Variants in CDH13 observed in about 807,000 individuals in gnomAD.
CDH13 encodes cadherin 13, also known as cadherin-13.
In CDH13, 24 loss-of-function variants were observed where a neutral mutation model predicts 63.8. The ratio of observed to expected loss-of-function variants is 0.38; its 90% CI spans 0.27 to 0.53. The LOEUF is 0.53. Among genes scored for constraint, CDH13 ranks in the 20% least tolerant of loss-of-function variants. The pLI, the probability that CDH13 is intolerant of heterozygous loss-of-function variation, is 0.85. For missense variants in CDH13, 1,049 were observed against 903.1 expected (o/e 1.16, Z -2.07); for synonymous variants, 503 against 355.3 (o/e 1.42, Z -4.67).
intron 1 of CDH13, among the ~76,000 whole-genome samples, chr16:82,738,798 T>C (rs2033802810): frequency 6.6e-6 from 1 of 152,206 alleles, no homozygotes; most frequent in African/African-American, 2.4e-5. Context: ...ACCTTGGTGG[T>C]TCCTTTTATC....
At chr16:82,829,348 G>C (rs1903621) in intron 1 of CDH13, 129,692 of 152,096 alleles carry the variant, frequency 0.85, 55,422 homozygotes, top group East Asian at 0.95. Context: ...GAAATACACA[G>C]TTTGGGAGCC....
At chr16:83,753,898 C>G (rs1422493618) in intron 11 of CDH13, among the ~76,000 whole-genome samples, 1 of 151,224 alleles carries the variant, frequency 6.6e-6, no homozygotes, top group Non-Finnish European at 1.5e-5. Context: ...GAAGCATTGA[C>G]AACTAGATAA....
intron 3 of CDH13, among the ~76,000 whole-genome samples, chr16:83,052,836 A>G (rs1259849810): frequency 1.3e-5 from 2 of 151,972 alleles, no homozygotes; most frequent in African/African-American, 4.8e-5. Context: ...AGCAAAATAG[A>G]AAAGACAGAT....
chr16:82,723,774 A>G (rs1036440454), intron 1 of CDH13, among the ~76,000 whole-genome samples: 1 of 152,194 alleles, frequency 6.6e-6, no homozygotes, highest in African/African-American at 2.4e-5. Flanking sequence ...TATAGAATTT[A>G]GCCTACCTTG....
intron 6 of CDH13, among the ~76,000 whole-genome samples, chr16:83,412,742 C>A (rs998585060): frequency 6.6e-6 from 1 of 152,180 alleles, no homozygotes; most frequent in Non-Finnish European, 1.5e-5. Context: ...AAGTCATGAG[C>A]CCCCTTAAGA....
chr16:82,721,102 T>G (rs2151021811), intron 1 of CDH13, among the ~76,000 whole-genome samples: 1 of 152,340 alleles, frequency 6.6e-6, no homozygotes, highest in African/African-American at 2.4e-5. Context: ...TCAGTTAATT[T>G]ATTCAATGAC....
intron 7 of CDH13, among the ~76,000 whole-genome samples, chr16:83,600,297 A>G (rs886173139): frequency 6.6e-6 from 1 of 152,186 alleles, no homozygotes; most frequent in Non-Finnish European, 1.5e-5. Context: ...AAACCGAAAC[A>G]TGAGGCGTAG....
At chr16:83,572,556 T>A (rs1904739588) in intron 7 of CDH13, among the ~76,000 whole-genome samples, 1 of 152,210 alleles carries the variant, frequency 6.6e-6, no homozygotes. Context: ...AAGTCCTCAG[T>A]ACTGAGCACA....
intron 6 of CDH13, among the ~76,000 whole-genome samples, chr16:83,357,685 G>C (rs2091082950): frequency 6.6e-6 from 1 of 152,156 alleles, no homozygotes; most frequent in Non-Finnish European, 1.5e-5. Flanking sequence ...GCATAGAACG[G>C]CCTCCACAGC....
intron 1 of CDH13, among the ~76,000 whole-genome samples, chr16:82,642,959 C>T (rs1909601684): frequency 6.6e-6 from 1 of 152,156 alleles, no homozygotes; most frequent in African/African-American, 2.4e-5. Context: ...CACAAGACCA[C>T]ATGTTGTATG....
intron 4 of CDH13, among the ~76,000 whole-genome samples, chr16:83,205,872 G>C (rs1436257105): frequency 6.6e-6 from 1 of 152,062 alleles, no homozygotes; most frequent in East Asian, 1.9e-4. Flanking sequence ...CAAAGTGTTA[G>C]GATTATAGGT....
chr16:82,804,318 C>T (rs912675878), intron 1 of CDH13, among the ~76,000 whole-genome samples: 1 of 151,446 alleles, frequency 6.6e-6, no homozygotes, highest in East Asian at 1.9e-4. Context: ...CACACGCACA[C>T]ACATACAAAT....
At chr16:83,756,664 C>T (rs1449602050) in intron 11 of CDH13, among the ~76,000 whole-genome samples, 1 of 152,132 alleles carries the variant, frequency 6.6e-6, no homozygotes, top group African/African-American at 2.4e-5. Context: ...ATTGGACACC[C>T]CTGTTTAAAA....
chr16:83,188,480 T>C (rs2038594943), intron 4 of CDH13, among the ~76,000 whole-genome samples: 1 of 152,174 alleles, frequency 6.6e-6, no homozygotes, highest in African/African-American at 2.4e-5. Context: ...TTGGTGGTTT[T>C]GTAAAGAAGC....
At chr16:83,115,185 A>G (rs1009731451) in intron 3 of CDH13, among the ~76,000 whole-genome samples, 9 of 152,210 alleles carry the variant, frequency 5.9e-5, no homozygotes, top group Non-Finnish European at 1.5e-5. Flanking sequence ...TTTAGAGCAG[A>G]TGGTTCTGGA....
At chr16:82,773,943 C>T (rs2035375796) in intron 1 of CDH13, among the ~76,000 whole-genome samples, 3 of 152,050 alleles carry the variant, frequency 2.0e-5, no homozygotes, top group African/African-American at 7.2e-5. Flanking sequence ...ACCACCACCC[C>T]TGGCTGATTT....
intron 5 of CDH13, among the ~76,000 whole-genome samples, chr16:83,237,524 T>G (rs1904275517): frequency 6.6e-6 from 1 of 152,268 alleles, no homozygotes; most frequent in East Asian, 1.9e-4. Flanking sequence ...GCATTTGAAC[T>G]GCAGCTAGTG....
At chr16:82,834,982 T>G (rs886946493) in intron 1 of CDH13, among the ~76,000 whole-genome samples, 4 of 152,206 alleles carry the variant, frequency 2.6e-5, no homozygotes, top group Non-Finnish European at 5.9e-5. Context: ...TCAGGCCTGC[T>G]CTGGAGTCCT....
chr16:83,182,087 T>C (rs1243812960), intron 4 of CDH13, among the ~76,000 whole-genome samples: 2 of 152,212 alleles, frequency 1.3e-5, no homozygotes, highest in Non-Finnish European at 2.9e-5. Context: ...AATTGCTCAA[T>C]AAATACCAGC....
Sources: allele counts gnomAD v4.1 joint callset (sites outside exome capture counted in the v4.1 genomes callset), GRCh38; gene constraint gnomAD v4.1.1; transcripts MANE v1.5; gene names NCBI Gene and HGNC (gene_info 2026-07-23, HGNC 2026-07-21).